C11orf65: variants seen among roughly 807,000 people sequenced by gnomAD.
C11orf65 encodes chromosome 11 open reading frame 65.
In C11orf65, 38 loss-of-function variants were observed where a neutral mutation model predicts 35.3. The ratio of observed to expected loss-of-function variants is 1.08; its 90% CI spans 0.83 to 1.41. The LOEUF (loss-of-function observed/expected upper bound fraction) is 1.41. Among genes scored for constraint, C11orf65 ranks in the 40% most tolerant of loss-of-function variants. The pLI, the probability that C11orf65 is intolerant of heterozygous loss-of-function variation, is 0.00. For missense variants in C11orf65, 370 were observed against 367.1 expected (o/e 1.01, Z -0.06); for synonymous variants, 105 against 114.4 (o/e 0.92, Z 0.53).
At chr11:108,405,610 G>C (rs962761224) in intron 5 of C11orf65, 51 bp from the exon 6 acceptor site, 14 of 1,580,618 alleles carry the variant, frequency 8.9e-6, no homozygotes, top group Admixed American at 8.6e-5. Context: ...TCGATTGTGA[G>C]GTTATCTGGC....
intron 2 of C11orf65, among the ~76,000 whole-genome samples, chr11:108,449,526 G>A (rs1440919723): frequency 1.3e-5 from 2 of 152,008 alleles, no homozygotes; most frequent in Non-Finnish European, 2.9e-5. Flanking sequence ...AGAAAAACAA[G>A]CAATGGGGAA....
intron 8 of C11orf65, among the ~76,000 whole-genome samples, chr11:108,385,526 C>CA (rs536541235): frequency 9.9e-5 from 15 of 152,074 alleles, no homozygotes; most frequent in Admixed American, 6.5e-4. Context: ...ACTAAAAATA[C>CA]AAAAAATTAG....
In C11orf65 at chr11:108,393,281, C is replaced by A. The variant is rs567356056; in HGVS notation, c.658G>T (p.Gly220Trp). ...TKGLIRAFEDGGIDSVMEWEV... is the reference protein window; with the variant it reads ...TKGLIRAFEDWGIDSVMEWEV... ...CATTCCATCACAGAATCTATCCCCC[C>A]ATCTTCAAAAGCTCTAATCAGCCCC... The change falls in exon 7 of 9, where the codon GGG becomes TGG. Residue 220 changes from glycine to tryptophan, a missense_variant. Transcript: ENST00000393084. The A allele has an allele frequency of 3.7e-6, 6 of 1,614,068 alleles. No homozygotes were observed. The African/African-American group carries it at 5.3e-5, about 14-fold the overall frequency.
chr11:108,396,463 A>G (rs891923842), intron 6 of C11orf65, among the ~76,000 whole-genome samples: 11 of 152,152 alleles, frequency 7.2e-5, no homozygotes, highest in African/African-American at 2.4e-4. Flanking sequence ...AAGGAAGTAT[A>G]AAATGCACTT....
chr11:108,342,989 A>C (rs562867296), intron 2 of C11orf65, among the ~76,000 whole-genome samples: 2 of 152,278 alleles, frequency 1.3e-5, no homozygotes, highest in South Asian at 4.1e-4. Flanking sequence ...AATCGTGGGG[A>C]TTGAGTGATG....
intron 2 of C11orf65, among the ~76,000 whole-genome samples, chr11:108,376,666 G>C (rs954644150): frequency 0.017 from 2,650 of 151,594 alleles, 67 homozygotes; most frequent in African/African-American, 0.057. Context: ...ACAAAAAACC[G>C]TTCAAAAAAT....
chr11:108,399,823 T>A (rs569915334), intron 6 of C11orf65, among the ~76,000 whole-genome samples: 1 of 152,216 alleles, frequency 6.6e-6, no homozygotes, highest in African/African-American at 2.4e-5. Context: ...TGGTATCTTA[T>A]TGTCAAGCAA....
chr11:108,428,786 A>T (rs1398695350), intron 3 of C11orf65, among the ~76,000 whole-genome samples: 3 of 152,212 alleles, frequency 2.0e-5, no homozygotes, highest in African/African-American at 7.2e-5. Flanking sequence ...TGTTCTGCAC[A>T]TGTATCCCAG....
intron 2 of C11orf65, chr11:108,335,434 G>A (rs976413301): frequency 1.2e-5 from 7 of 561,930 alleles, no homozygotes; most frequent in South Asian, 4.0e-5. Flanking sequence ...GCAAGTTGAC[G>A]TCCTTTGCAT....
At position 108,348,802 on chromosome 11, in the gene C11orf65, T is replaced by C. The variant is rs575798986; in HGVS notation, c.227-13510A>G. Among the ~76,000 whole-genome samples the C allele has an allele frequency of 2.0e-5, 3 of 150,898 alleles. No homozygotes were observed. The South Asian group carries it at 6.2e-4, about 31-fold the overall frequency. ...AAACAAAGAAGAAAACCCTGTCTTT[T>C]TATTATTTATTGAAGTAGGAGAATT... On this transcript the variant is annotated intron_variant, in intron 2 of 3. Coordinates refer to the C11orf65 transcript ENST00000524755.
At chr11:108,452,326 C>G (rs2093359247) in intron 2 of C11orf65, among the ~76,000 whole-genome samples, 1 of 152,072 alleles carries the variant, frequency 6.6e-6, no homozygotes, top group Admixed American at 6.6e-5. Flanking sequence ...ATCAAACCAC[C>G]CCATCAAAAA....
At chr11:108,467,366 G>A in intron 1 of C11orf65, 105 bp downstream of exon 1, 1 of 152,344 alleles carries the variant, frequency 6.6e-6, no homozygotes, top group East Asian at 1.9e-4. Context: ...TCAAGGGTAT[G>A]GGTTCTTTAG....
intron 2 of C11orf65, among the ~76,000 whole-genome samples, chr11:108,436,610 T>C (rs2093063302): frequency 1.3e-5 from 2 of 152,322 alleles, no homozygotes; most frequent in African/African-American, 4.8e-5. Context: ...AGCTGGGTTA[T>C]TCTATTGTCA....
Position 108,406,876 on chromosome 11 carries a change from T to C in C11orf65, c.316A>G (p.Lys106Glu). ...LCANSPRNYA[K>E]LPAKHTSHNK... ...TGAGATGTATGCTTTGCTGGAAGTT[T>C]TGCATAATTTCTAGGGCTGTTAGCA... is the stretch of plus-strand genomic sequence containing the variant. Residue 106 changes from lysine (K) to glutamate (E), a missense_variant, in exon 5 of 9, where the codon AAA becomes GAA. Lys to Glu is a moderately conservative substitution (Grantham distance 56). Coordinates refer to ENST00000393084, the MANE Select transcript of C11orf65 (RefSeq NM_152587.5). 1 of 1,612,880 alleles carries C rather than the reference T, an allele frequency of 6.2e-7. No homozygotes were observed. The highest frequency in any genetic ancestry group is 8.5e-7 in the Non-Finnish European group (1 of 1,179,018).
chr11:108,439,554 A>G (rs1213614151), intron 2 of C11orf65, among the ~76,000 whole-genome samples: 2 of 152,236 alleles, frequency 1.3e-5, no homozygotes, highest in South Asian at 2.1e-4. Flanking sequence ...ACAGTAACCA[A>G]AAAGTGGAAA....
intron 6 of C11orf65, among the ~76,000 whole-genome samples, chr11:108,317,840 C>A (rs902755522): frequency 2.0e-5 from 3 of 151,498 alleles, no homozygotes; most frequent in African/African-American, 7.3e-5. Context: ...TCCATTAGGA[C>A]AACTTCACCC....
downstream of C11orf65, among the ~76,000 whole-genome samples, chr11:108,381,427 A>G (rs1249822748): frequency 6.6e-6 from 1 of 152,202 alleles, no homozygotes; most frequent in Non-Finnish European, 1.5e-5. Flanking sequence ...TTGGCTCCTC[A>G]TGCTGGTAGA....
intron 2 of C11orf65, among the ~76,000 whole-genome samples, chr11:108,441,481 C>G (rs1353968213): frequency 6.6e-6 from 1 of 152,162 alleles, no homozygotes; most frequent in African/African-American, 2.4e-5. Context: ...TAGTTGTTAT[C>G]CCAGCATGGA....
chr11:108,359,440 G>A (rs2090438762), intron 2 of C11orf65, among the ~76,000 whole-genome samples: 1 of 151,984 alleles, frequency 6.6e-6, no homozygotes. Flanking sequence ...TCTGCACCAA[G>A]CGGACCTAAT....
Sources: gnomAD v4.1 joint callset for allele counts (sites outside exome capture counted in the v4.1 genomes callset) on GRCh38, gnomAD v4.1.1 for gene constraint, MANE v1.5 for transcripts, NCBI Gene and HGNC (gene_info 2026-07-23, HGNC 2026-07-21) for gene names.